The following GNAO1 variants were observed in gnomAD, a reference collection of about 807,000 sequenced individuals.
The protein encoded by GNAO1 is guanine nucleotide-binding protein G(o) subunit alpha.
For synonymous variants in GNAO1, 164 were observed against 180.7 expected, an observed-to-expected ratio of 0.91 and a Z score of 0.74; for missense variants, 166 against 478.7, an observed-to-expected ratio of 0.35 and a Z score of 6.10.
intron 2 of GNAO1, among the ~76,000 whole-genome samples, chr16:56,241,059 T>C (rs903723791): frequency 1.3e-5 from 2 of 152,192 alleles, no homozygotes; most frequent in African/African-American, 2.4e-5. Context: ...AGGCTTTACT[T>C]CCTGCTTTTT....
chr16:56,219,417 C>T (rs2143358610), intron 2 of GNAO1, among the ~76,000 whole-genome samples: 1 of 152,300 alleles, frequency 6.6e-6, no homozygotes, highest in South Asian at 2.1e-4. Context: ...CCCATTGCAT[C>T]TCTTCTCCTG....
intron 3 of GNAO1, chr16:56,307,875 G>A (rs2037413288): frequency 6.6e-6 from 1 of 152,316 alleles, no homozygotes; most frequent in Non-Finnish European, 1.5e-5. Context: ...GAGCTGGTGG[G>A]CAAGGGACCT....
intron 3 of GNAO1, among the ~76,000 whole-genome samples, chr16:56,313,167 T>TCGGTGATG: frequency 6.6e-6 from 1 of 152,354 alleles, no homozygotes. Context: ...TATTACTCAT[T>TCGGTGATG]CGGTGATGCA....
At chr16:56,212,184 A>G (rs1487275981) in intron 2 of GNAO1, among the ~76,000 whole-genome samples, 2 of 152,226 alleles carry the variant, frequency 1.3e-5, no homozygotes, top group Non-Finnish European at 2.9e-5. Context: ...ATTCAGGGAG[A>G]GTTTTAGAAA....
chr16:56,320,156 G>C (rs146905248), intron 3 of GNAO1, among the ~76,000 whole-genome samples: 1 of 152,082 alleles, frequency 6.6e-6, no homozygotes, highest in African/African-American at 2.4e-5. Context: ...ATGGCATCTC[G>C]CTTACTGTTA....
chr16:56,289,036 G>GC (rs1555504868), intron 3 of GNAO1, among the ~76,000 whole-genome samples: 9 of 150,662 alleles, frequency 6.0e-5, no homozygotes, highest in South Asian at 2.1e-4. Context: ...CCAAAAAAGG[G>GC]GGGGGGAGCG....
At chr16:56,209,012 T>G (rs1567438964) in intron 2 of GNAO1, among the ~76,000 whole-genome samples, 1 of 152,228 alleles carries the variant, frequency 6.6e-6, no homozygotes. Flanking sequence ...GTCTCCCTCT[T>G]TTTGGTTAGT....
chr16:56,243,818 A>G (rs1331736974), intron 2 of GNAO1, among the ~76,000 whole-genome samples: 1 of 152,208 alleles, frequency 6.6e-6, no homozygotes, highest in Admixed American at 6.5e-5. Context: ...TATCTCAGTG[A>G]AGCTGTTGAA....
chr16:56,227,786 TC>T (rs1432394779), intron 2 of GNAO1, among the ~76,000 whole-genome samples: 1 of 152,116 alleles, frequency 6.6e-6, no homozygotes, highest in African/African-American at 2.4e-5. Flanking sequence ...GGTATTATTT[TC>T]CCTGGTATTA....
chr16:56,353,377 G>A (rs2037941563), intron 7 of GNAO1: 1 of 152,264 alleles, frequency 6.6e-6, no homozygotes, highest in African/African-American at 2.4e-5. Context: ...AAGGGCAGTT[G>A]GAACCTGAGA....
At chr16:56,273,405 AT>A (rs2037035288) in intron 2 of GNAO1, among the ~76,000 whole-genome samples, 1 of 151,962 alleles carries the variant, frequency 6.6e-6, no homozygotes, top group African/African-American at 2.4e-5. Context: ...TTCTTTCCTC[AT>A]TATGTTCATA....
intron 2 of GNAO1, among the ~76,000 whole-genome samples, chr16:56,210,674 C>T (rs756684392): frequency 6.6e-5 from 10 of 152,196 alleles, no homozygotes; most frequent in East Asian, 1.9e-4. Flanking sequence ...ATAAATGATG[C>T]GGAGCATCTT....
chr16:56,196,940 T>C lies in GNAO1; in HGVS notation c.161+4324T>C, dbSNP rs190516136. 7.9e-4 allele frequency among the ~76,000 whole-genome samples: 120 copies of C among 152,338 alleles called. 2 individuals are homozygous for C. Among genetic ancestry groups the C allele is most frequent in the African/African-American group, 2.6e-3 (107 of 41,576 alleles). On this transcript the variant is annotated intron_variant, in intron 2 of 8. Coordinates refer to ENST00000262493, the MANE Select transcript of GNAO1 (RefSeq NM_020988.3). ...TGTCAGGAAAGGCTGTCTTAAAAGG[T>C]CACCTGTCACCAAAAAGCTGATGGC...
chr16:56,355,203 A>C, intron 8 of GNAO1, 122 bp downstream of exon 8: 1 of 267,184 alleles, frequency 3.7e-6, no homozygotes, highest in Non-Finnish European at 6.6e-6. Context: ...GGCATAACAA[A>C]ACCTTATATA....
intron 2 of GNAO1, among the ~76,000 whole-genome samples, chr16:56,201,039 A>C (rs1290415875): frequency 1.3e-5 from 2 of 152,186 alleles, no homozygotes; most frequent in African/African-American, 4.8e-5. Flanking sequence ...GGTAGCATAC[A>C]CACAGTGTCA....
At chr16:56,246,077 T>C (rs2036741721) in intron 2 of GNAO1, among the ~76,000 whole-genome samples, 1 of 152,148 alleles carries the variant, frequency 6.6e-6, no homozygotes, top group African/African-American at 2.4e-5. Flanking sequence ...CCCAACTCCC[T>C]GGGTCAGCCC....
intron 2 of GNAO1, among the ~76,000 whole-genome samples, chr16:56,224,222 T>G (rs544812686): frequency 6.6e-6 from 1 of 152,294 alleles, no homozygotes; most frequent in African/African-American, 2.4e-5. Context: ...GAAGTATTGA[T>G]TCTGGCCTGG....
chr16:56,198,124 T>C (rs1004728613), intron 2 of GNAO1, among the ~76,000 whole-genome samples: 1 of 152,246 alleles, frequency 6.6e-6, no homozygotes, highest in Non-Finnish European at 1.5e-5. Flanking sequence ...GAGAAAACTT[T>C]TGATTCTGAA....
At chr16:56,318,693 G>GGTT (rs2037539699) in intron 3 of GNAO1, among the ~76,000 whole-genome samples, 1 of 152,136 alleles carries the variant, frequency 6.6e-6, no homozygotes, top group South Asian at 2.1e-4. Flanking sequence ...AAATGGAAGG[G>GGTT]GTTATTATTA....
Sources: allele counts gnomAD v4.1 joint callset (sites outside exome capture counted in the v4.1 genomes callset), GRCh38; gene constraint gnomAD v4.1.1; transcripts MANE v1.5; gene names NCBI Gene and HGNC (gene_info 2026-07-23, HGNC 2026-07-21).